Variants in EPG5 observed in about 807,000 individuals in gnomAD.
EPG5 encodes ectopic P-granules 5 autophagy tethering factor.
In EPG5, 159 loss-of-function variants were observed where a neutral mutation model predicts 302.7. The ratio of observed to expected loss-of-function variants is 0.53; its 90% CI spans 0.46 to 0.60. The LOEUF (loss-of-function observed/expected upper bound fraction) is 0.60. EPG5 is among the 20% of genes least tolerant of loss of function. The pLI is 0.00. For synonymous variants in EPG5, 1,158 were observed against 1,136.8 expected, an observed-to-expected ratio of 1.02 and a Z score of -0.37; for missense variants, 2,896 against 3,092.4, an observed-to-expected ratio of 0.94 and a Z score of 1.51.
chr18:45,949,052 A>G (rs2050847570), intron 5 of EPG5, among the ~76,000 whole-genome samples: 1 of 152,204 alleles, frequency 6.6e-6, no homozygotes, highest in Non-Finnish European at 1.5e-5. Flanking sequence ...GTCAACTCCT[A>G]AGTATACAAG....
At position 45,906,241 on chromosome 18, in the gene EPG5, G is replaced by A. The variant is rs564589881; in HGVS notation, c.4329+1717C>T. On this transcript the variant is annotated intron_variant, in intron 24 of 43. Coordinates refer to ENST00000282041, the MANE Select transcript of EPG5 (RefSeq NM_020964.3). ...GTCTTTGGGTATCTGATTCTTCCTCGATATATTTTTAATTCATCCATTTGT... is the reference window on the plus strand; with the variant it reads ...GTCTTTGGGTATCTGATTCTTCCTCAATATATTTTTAATTCATCCATTTGT... 2.0e-5 allele frequency among the ~76,000 whole-genome samples: 3 copies of A among 152,188 alleles called. No homozygotes were observed. In the East Asian group the frequency reaches 5.8e-4, roughly 29 times the overall value.
At position 45,967,217 on chromosome 18, in the gene EPG5, T is replaced by G. The variant is rs764203340; in HGVS notation, c.23A>C (p.Gln8Pro). 6.2e-7 allele frequency: 1 copy of G among 1,605,556 alleles called. No homozygotes were observed. Among genetic ancestry groups the G allele is most frequent in the South Asian group, 1.1e-5 (1 of 89,396 alleles). Residue 8 changes from glutamine (Q) to proline (P), a missense_variant, in exon 1 of 44, where the codon CAG becomes CCG. Physicochemically the swap from Gln to Pro is moderately conservative, Grantham distance 76. Transcript: ENST00000282041. ...GCTGGCCTTGGCCTTGGCCCGGCGC[T>G]GGGGCTTCACCGCCTCGGCCATAGA... MAEAVKP[Q>P]RRAKAKASRT... is the part of the protein sequence containing the mutation.
the EPG5 span, among the ~76,000 whole-genome samples, chr18:45,813,855 T>C: frequency 6.6e-6 from 1 of 152,070 alleles, no homozygotes; most frequent in Non-Finnish European, 1.5e-5. Context: ...ATGGCGCACG[T>C]ATACATATGT....
At chr18:45,888,736 G>C (rs777926717) in intron 28 of EPG5, among the ~76,000 whole-genome samples, 1 of 152,162 alleles carries the variant, frequency 6.6e-6, no homozygotes, top group Non-Finnish European at 1.5e-5. Flanking sequence ...CACTGCATCT[G>C]GCCGATTTTC....
At chr18:45,961,649 T>C (rs1009273075) in intron 1 of EPG5, among the ~76,000 whole-genome samples, 3 of 152,066 alleles carry the variant, frequency 2.0e-5, no homozygotes, top group African/African-American at 7.2e-5. Flanking sequence ...TCACCTGAGG[T>C]CAGGAGTTCG....
chr18:45,837,840 C>T, the EPG5 span: 1 of 1,536,110 alleles, frequency 6.5e-7, no homozygotes, highest in Non-Finnish European at 8.7e-7. Flanking sequence ...GTCGAGTTCG[C>T]CGGCGACGTC....
rs765142313 is a variant in EPG5, at chr18:45,878,993, T to A, written c.5869+20A>T. 5.9e-5 allele frequency: 94 copies of A among 1,605,480 alleles called. No individual in the cohort carries two copies. The highest frequency in any genetic ancestry group is 7.8e-5 in the Non-Finnish European group (91 of 1,172,678). On this transcript the variant is annotated intron_variant, in intron 33 of 43. Coordinates refer to ENST00000282041, the MANE Select transcript of EPG5 (RefSeq NM_020964.3). ...GAAAGTCCAAACACCTAGCTCCACA[T>A]CGCATGAGAAGTATATTACCTGTTT...
chr18:45,944,211 T>C, intron 7 of EPG5, 92 bp from the exon 8 acceptor site: 1 of 760,476 alleles, frequency 1.3e-6, no homozygotes, highest in Non-Finnish European at 2.3e-6. Context: ...CAGGTCTCAA[T>C]GGTATACATG....
At chr18:45,922,908 C>A (rs1023549997) in intron 15 of EPG5, among the ~76,000 whole-genome samples, 15 of 152,150 alleles carry the variant, frequency 9.9e-5, no homozygotes, top group Admixed American at 2.0e-4. Flanking sequence ...TCATATATAG[C>A]GCTTGTCAAT....
chr18:45,885,399 T>C (rs922827172), intron 29 of EPG5, among the ~76,000 whole-genome samples: 3 of 152,118 alleles, frequency 2.0e-5, no homozygotes, highest in African/African-American at 4.8e-5. Flanking sequence ...CATTAAAATA[T>C]TGGGGTACTT....
At chr18:45,911,134 T>G (rs1343934797) in intron 22 of EPG5, among the ~76,000 whole-genome samples, 1 of 151,038 alleles carries the variant, frequency 6.6e-6, no homozygotes, top group Non-Finnish European at 1.5e-5. Flanking sequence ...TATACATTTT[T>G]TTTTTGAGAC....
At chr18:45,907,129 G>C (rs1408497950) in intron 24 of EPG5, 1 of 152,164 alleles carries the variant, frequency 6.6e-6, no homozygotes, top group East Asian at 1.9e-4. Context: ...AGAAGGCAAG[G>C]AATGAAGGAA....
chr18:45,868,477 A>G (rs964451312), intron 36 of EPG5, among the ~76,000 whole-genome samples: 30 of 151,618 alleles, frequency 2.0e-4, no homozygotes, highest in African/African-American at 6.5e-4. Context: ...AGCTGGGATT[A>G]CAGGTGCCTG....
chr18:45,916,713 G>A (rs536573851), intron 17 of EPG5, 131 bp from the exon 18 acceptor site: 99 of 903,430 alleles, frequency 1.1e-4, no homozygotes, highest in Middle Eastern at 4.6e-4. Context: ...ATTTAAGAAG[G>A]GATTCTAGAA....
chr18:45,912,151 A>G (rs1599555778), intron 22 of EPG5, 139 bp downstream of exon 22: 2 of 702,010 alleles, frequency 2.8e-6, no homozygotes, highest in East Asian at 6.7e-5. Flanking sequence ...TGTCAAACAT[A>G]GAGACAGAGA....
At chr18:45,900,875 G>C (rs1013334358) in intron 26 of EPG5, 121 bp downstream of exon 26, 2 of 1,021,644 alleles carry the variant, frequency 2.0e-6, no homozygotes, top group African/African-American at 1.6e-5. Context: ...GTCTGGGCCA[G>C]GTTGGTCAAA....
intron 28 of EPG5, among the ~76,000 whole-genome samples, chr18:45,888,314 T>C (rs969729364): frequency 7.1e-6 from 1 of 139,882 alleles, no homozygotes; most frequent in Non-Finnish European, 1.5e-5. Flanking sequence ...TATTTATTTA[T>C]TTATTTTTTG....
the EPG5 span, among the ~76,000 whole-genome samples, chr18:45,804,075 ATAGT>A: frequency 4.6e-5 from 7 of 152,228 alleles, no homozygotes; most frequent in South Asian, 4.1e-4. Context: ...TGATTAAAAC[ATAGT>A]TAGTATCATC....
intron 36 of EPG5, among the ~76,000 whole-genome samples, chr18:45,869,751 T>A (rs150079997): frequency 1.0e-3 from 157 of 152,274 alleles, no homozygotes; most frequent in African/African-American, 3.6e-3. Flanking sequence ...TGGGGTTCCA[T>A]TAAGGGCACT....
Sources: allele counts gnomAD v4.1 joint callset (sites outside exome capture counted in the v4.1 genomes callset), GRCh38; gene constraint gnomAD v4.1.1; transcripts MANE v1.5; gene names NCBI Gene and HGNC (gene_info 2026-07-23, HGNC 2026-07-21).